The following GRIN3A variants were observed in gnomAD, a reference collection of about 807,000 sequenced individuals.
The protein encoded by GRIN3A is glutamate receptor ionotropic, NMDA 3A.
In GRIN3A, 47 loss-of-function variants were observed where a neutral mutation model predicts 92.4. The observed-to-expected ratio is 0.51, with a 90% CI of 0.40 to 0.65. The LOEUF is 0.65. Among genes scored for constraint, GRIN3A ranks in the 30% least tolerant of loss-of-function variants. The pLI, the probability that GRIN3A is intolerant of heterozygous loss-of-function variation, is 0.00. For missense variants in GRIN3A, 1,324 were observed against 1,393.1 expected (o/e 0.95, Z 0.79); for synonymous variants, 527 against 540.6 (o/e 0.97, Z 0.35).
intron 1 of GRIN3A, among the ~76,000 whole-genome samples, chr9:101,706,409 C>G (rs1330705423): frequency 1.3e-5 from 2 of 152,176 alleles, no homozygotes; most frequent in African/African-American, 4.8e-5. Context: ...ACATGAATTT[C>G]TGACAGCTTC....
intron 6 of GRIN3A, chr9:101,594,901 G>A (rs971727049): frequency 3.1e-6 from 5 of 1,599,944 alleles, no homozygotes; most frequent in Non-Finnish European, 4.2e-6. Context: ...TCTCCGCCGG[G>A]TAACTGGCCT....
At chr9:101,595,308 T>C (rs1828108742) in intron 6 of GRIN3A, among the ~76,000 whole-genome samples, 1 of 138,434 alleles carries the variant, frequency 7.2e-6, no homozygotes, top group Admixed American at 7.6e-5. Context: ...AATTATTTTA[T>C]CTACTTATTT....
At chr9:101,733,868 A>G (rs1830170659) in intron 1 of GRIN3A, among the ~76,000 whole-genome samples, 1 of 151,972 alleles carries the variant, frequency 6.6e-6, no homozygotes, top group Non-Finnish European at 1.5e-5. Flanking sequence ...TTTTTTAATT[A>G]AAAAATTTTT....
At chr9:101,664,522 C>T (rs1247524564) in intron 3 of GRIN3A, among the ~76,000 whole-genome samples, 1 of 151,850 alleles carries the variant, frequency 6.6e-6, no homozygotes, top group Non-Finnish European at 1.5e-5. Flanking sequence ...GAATCATCCT[C>T]TTGAACCTCA....
Position 101,737,649 on chromosome 9 carries a change from G to A in GRIN3A, c.331C>T (p.Arg111Cys). 4.4e-6 allele frequency: 7 copies of A among 1,606,812 alleles called. No homozygotes were observed. The highest frequency in any genetic ancestry group is 5.9e-6 in the Non-Finnish European group (7 of 1,178,100). The change falls in exon 1 of 9, where the codon CGT (arginine) becomes TGT (cysteine). Residue 111 changes from arginine (R) to cysteine (C), a missense_variant. Transcript: ENST00000361820. ...TLHGRGPPGSRKPGEGARAEA... is the reference protein window; with the variant it reads ...TLHGRGPPGSCKPGEGARAEA... Reference sequence around the variant, plus strand: ...GCCCTGGCGCCCTCCCCGGGCTTACGGGAGCCCGGCGGCCCCCGGCCATGC... The same window carrying A: ...GCCCTGGCGCCCTCCCCGGGCTTACAGGAGCCCGGCGGCCCCCGGCCATGC...
In GRIN3A at chr9:101,737,795, G is replaced by A. The variant is rs997123229; in HGVS notation, c.185C>T (p.Pro62Leu). The A allele has an allele frequency of 6.5e-7, 1 of 1,529,984 alleles. No individual in the cohort carries two copies. The highest frequency in any genetic ancestry group is 1.4e-5 in the African/African-American group (1 of 72,610). The allele number at this position is 1,529,984 out of a possible 1,614,324, so 94.8% of individuals were successfully genotyped here. A position where few individuals can be genotyped will look rare whatever the true frequency, so the allele number is the denominator to read the frequency against. The part of the protein sequence containing the change: ...AVHLQPWTTA[P>L]RAASRAPDDS... ...GTCCGGAGCGCGGCTGGCCGCGCGG[G>A]GGGCGGTGGTCCAGGGCTGCAAGTG... The change falls in exon 1 of 9, where the codon CCC becomes CTC. Residue 62 changes from proline to leucine, a missense_variant. Coordinates refer to ENST00000361820, the MANE Select transcript of GRIN3A (RefSeq NM_133445.3).
At chr9:101,596,027 A>G (rs1021525947) in intron 6 of GRIN3A, among the ~76,000 whole-genome samples, 18 of 152,222 alleles carry the variant, frequency 1.2e-4, no homozygotes, top group Non-Finnish European at 1.5e-5. Flanking sequence ...CAAATGCATA[A>G]GAAACAAATG....
chr9:101,704,085 A>G (rs1829785219), intron 1 of GRIN3A, among the ~76,000 whole-genome samples: 1 of 152,246 alleles, frequency 6.6e-6, no homozygotes, highest in Admixed American at 6.5e-5. Flanking sequence ...ATTAGAAACC[A>G]TTATCATCAT....
At position 101,579,331 on chromosome 9, in the gene GRIN3A, A is replaced by C. The variant is rs79786742; in HGVS notation, c.2796T>G (p.Ser932=). 2.2e-3 allele frequency: 3,586 copies of C among 1,614,026 alleles called. 20 individuals carry two copies. The Middle Eastern group carries it at 0.023, about 10-fold the overall frequency. ...CAATGCACAGCAGCACAAAGAGCCC[A>C]GAGAAGTGTTTGATGCCCATTTGCA... The part of the protein sequence containing the change: ...ETLQMGIKHF[S]GLFVLLCIGF... Residue 932 remains serine (S), a synonymous_variant, in exon 7 of 9, where the codon TCT becomes TCG. Transcript: ENST00000361820.
chr9:101,687,033 G>A lies in GRIN3A; in HGVS notation c.867C>T (p.Phe289=), dbSNP rs375511951. The A allele has an allele frequency of 6.2e-7, 1 of 1,614,002 alleles. No homozygotes were observed. The highest frequency in any genetic ancestry group is 8.5e-7 in the Non-Finnish European group (1 of 1,179,888). ...TGATGTTGATGATAGAACCAAGGTG[G>A]AACTTGGAATTATTCTGGGTAAGGA... The part of the protein sequence containing the change: ...FLLLTQNNSK[F]HLGSIINITA... The change falls in exon 2 of 9, where the codon TTC becomes TTT. Residue 289 remains phenylalanine, a synonymous_variant. Coordinates refer to ENST00000361820, the MANE Select transcript of GRIN3A (RefSeq NM_133445.3).
chr9:101,684,187 C>T (rs943455443), intron 2 of GRIN3A, among the ~76,000 whole-genome samples: 1 of 151,350 alleles, frequency 6.6e-6, no homozygotes, highest in Non-Finnish European at 1.5e-5. Flanking sequence ...ACTGCAACCT[C>T]TGCCTCCCAG....
chr9:101,677,886 A>G (rs1829420086), intron 2 of GRIN3A, among the ~76,000 whole-genome samples: 1 of 152,120 alleles, frequency 6.6e-6, no homozygotes. Flanking sequence ...ACTATCCTAA[A>G]GTAGAAGAAT....
intron 1 of GRIN3A, among the ~76,000 whole-genome samples, chr9:101,732,278 T>G (rs537741783): frequency 6.6e-6 from 1 of 152,174 alleles, no homozygotes; most frequent in African/African-American, 2.4e-5. Flanking sequence ...CTTTGTGGTG[T>G]AGTTGGCGGA....
chr9:101,634,945 GA>G (rs1828765818), intron 3 of GRIN3A, among the ~76,000 whole-genome samples: 1 of 152,094 alleles, frequency 6.6e-6, no homozygotes, highest in Admixed American at 6.5e-5. Flanking sequence ...TTAGAATACA[GA>G]AAAACAATGC....
intron 1 of GRIN3A, among the ~76,000 whole-genome samples, chr9:101,705,110 G>A (rs1370656924): frequency 6.6e-6 from 1 of 152,034 alleles, no homozygotes; most frequent in East Asian, 1.9e-4. Context: ...ATGAGAACAC[G>A]CACTCCTGTT....
chr9:101,586,254 A>T (rs1306052327), intron 6 of GRIN3A, among the ~76,000 whole-genome samples: 1 of 152,048 alleles, frequency 6.6e-6, no homozygotes, highest in East Asian at 1.9e-4. Context: ...TTTATTGCCT[A>T]TTTCCCCAGC....
chr9:101,589,473 T>C (rs1827995544), intron 6 of GRIN3A, among the ~76,000 whole-genome samples: 1 of 152,218 alleles, frequency 6.6e-6, no homozygotes, highest in Non-Finnish European at 1.5e-5. Flanking sequence ...TTTATAATTA[T>C]TCATTTTTCC....
rs192706912 is a variant in GRIN3A at position 101,636,245 on chromosome 9, G to A, written c.2353-7844C>T. 1.7e-3 allele frequency among the ~76,000 whole-genome samples: 265 copies of A among 152,034 alleles called. 1 individual carries two copies. Among genetic ancestry groups the A allele is most frequent in the Middle Eastern group, 6.8e-3 (2 of 292 alleles). ...CTTTCCTCCATTCCACATCCTTTTC[G>A]TCCAGACTTTGTGTATCTGCCATAT... On this transcript the variant is annotated intron_variant, in intron 3 of 8. Transcript: ENST00000361820.
At chr9:101,691,405 A>C (rs1277813028) in intron 1 of GRIN3A, among the ~76,000 whole-genome samples, 1 of 152,202 alleles carries the variant, frequency 6.6e-6, no homozygotes, top group Non-Finnish European at 1.5e-5. Context: ...AAACTAGGAA[A>C]TATTAATTTA....
Sources: allele counts gnomAD v4.1 joint callset (sites outside exome capture counted in the v4.1 genomes callset), GRCh38; gene constraint gnomAD v4.1.1; transcripts MANE v1.5; gene names NCBI Gene and HGNC (gene_info 2026-07-23, HGNC 2026-07-21).